PDE4D: variants seen among roughly 807,000 people sequenced by gnomAD.
PDE4D encodes phosphodiesterase 4D.
A neutral mutation model predicts 87.4 loss-of-function variants in PDE4D; 24 were observed. The ratio of observed to expected loss-of-function variants is 0.27; its 90% CI spans 0.20 to 0.39. The LOEUF is 0.39. Among genes scored for constraint, PDE4D ranks in the 10% least tolerant of loss-of-function variants. The pLI, the probability that PDE4D is intolerant of heterozygous loss-of-function variation, is 1.00. For missense variants in PDE4D, 714 were observed against 1,041.0 expected (o/e 0.69, Z 4.32); for synonymous variants, 384 against 383.2 (o/e 1.00, Z -0.02).
At chr5:59,098,281 C>T (rs1395041956) in intron 5 of PDE4D, among the ~76,000 whole-genome samples, 1 of 151,896 alleles carries the variant, frequency 6.6e-6, no homozygotes. Flanking sequence ...TCCAATACTG[C>T]AAAGAGAAAA....
intron 1 of PDE4D, among the ~76,000 whole-genome samples, chr5:59,560,558 T>C (rs952119999): frequency 6.6e-6 from 1 of 152,138 alleles, no homozygotes; most frequent in Non-Finnish European, 1.5e-5. Flanking sequence ...AGGTAAACAG[T>C]TGATTAAAAC....
At chr5:60,219,400 T>C (rs1322284793) in intron 1 of PDE4D, among the ~76,000 whole-genome samples, 4 of 152,142 alleles carry the variant, frequency 2.6e-5, no homozygotes, top group Admixed American at 2.0e-4. Flanking sequence ...GAACATAACA[T>C]TTTAGAACTG....
chr5:59,006,492 G>A lies in PDE4D; in HGVS notation c.922-13027C>T, dbSNP rs545980175. ...GGAGGTGGGAGGTGCTGAGGTGGGA[G>A]GATGGCTTGAGGCCAGGAGTTTAAG... On this transcript the variant is annotated intron_variant, in intron 6 of 14. Coordinates refer to ENST00000340635, the MANE Select transcript of PDE4D (RefSeq NM_001104631.2). 3.9e-5 allele frequency among the ~76,000 whole-genome samples: 6 copies of A among 152,216 alleles called. No individual in the cohort carries two copies. In the South Asian group the frequency reaches 1.0e-3, roughly 26 times the overall value.
chr5:59,328,945 G>A (rs1017985297), intron 1 of PDE4D, among the ~76,000 whole-genome samples: 11 of 152,206 alleles, frequency 7.2e-5, no homozygotes, highest in African/African-American at 1.2e-4. Context: ...CCAGAAAAGC[G>A]ACTCATCTGC....
intron 5 of PDE4D, among the ~76,000 whole-genome samples, chr5:59,053,306 A>C (rs1484155071): frequency 6.6e-6 from 1 of 151,910 alleles, no homozygotes; most frequent in African/African-American, 2.4e-5. Flanking sequence ...TTGATAAAAG[A>C]AAAACAATTG....
rs531966534 is a variant in PDE4D at position 59,229,179 on chromosome 5, T to C, written c.456-13211A>G. On this transcript the variant is annotated intron_variant, in intron 1 of 14. Coordinates refer to ENST00000340635, the MANE Select transcript of PDE4D (RefSeq NM_001104631.2). ...AAAATCTACTTTGTTCGTTAATGTG[T>C]CCCCCAGCAGGTACAACAGTGCCTC... 1.9e-3 allele frequency among the ~76,000 whole-genome samples: 286 copies of C among 152,224 alleles called. 1 individual carries two copies. The highest frequency in any genetic ancestry group is 6.7e-3 in the African/African-American group (277 of 41,538).
chr5:59,576,009 C>A (rs1583191413), intron 1 of PDE4D, among the ~76,000 whole-genome samples: 2 of 152,262 alleles, frequency 1.3e-5, no homozygotes, highest in South Asian at 4.1e-4. Context: ...GACCTCCAAG[C>A]AACCTATAGT....
intron 1 of PDE4D, among the ~76,000 whole-genome samples, chr5:60,193,250 G>C (rs1422140927): frequency 6.6e-6 from 1 of 152,114 alleles, no homozygotes. Flanking sequence ...TGGAACATGA[G>C]ACAAATGCAA....
At chr5:59,795,791 A>G (rs539839210) in intron 1 of PDE4D, among the ~76,000 whole-genome samples, 2 of 152,146 alleles carry the variant, frequency 1.3e-5, no homozygotes, top group Non-Finnish European at 2.9e-5. Context: ...AGTACCTCAG[A>G]AAGGGACTTT....
intron 2 of PDE4D, among the ~76,000 whole-genome samples, chr5:59,989,120 ACACACAC>A (rs1433658954): frequency 1.8e-5 from 1 of 54,578 alleles, no homozygotes; most frequent in East Asian, 2.2e-3. Context: ...ATATATACAC[ACACACAC>A]ATACAGTTAT....
At chr5:60,162,348 A>C (rs1782533954) in intron 2 of PDE4D, among the ~76,000 whole-genome samples, 1 of 152,082 alleles carries the variant, frequency 6.6e-6, no homozygotes, top group Non-Finnish European at 1.5e-5. Flanking sequence ...TTCCATGTCA[A>C]CTAAGAGTTG....
intron 1 of PDE4D, among the ~76,000 whole-genome samples, chr5:59,323,907 A>C (rs908069835): frequency 1.3e-5 from 2 of 152,122 alleles, no homozygotes; most frequent in African/African-American, 4.8e-5. Flanking sequence ...TATGATCTAC[A>C]GTTTACCTCT....
In PDE4D at chr5:59,399,976, G is replaced by A; in HGVS notation, c.456-184008C>T. Among the ~76,000 whole-genome samples, 2 of 115,962 alleles carry A rather than the reference G, an allele frequency of 1.7e-5. 1 individual carries two copies. The highest frequency in any genetic ancestry group is 3.6e-5 in the Non-Finnish European group (2 of 55,452). The allele number at this position is 115,962 out of a possible 152,430, so 76.1% of individuals were successfully genotyped here. ...ACATTTATGCAGCCAAAAAACACAT[G>A]AAAAAATGCTCACCATCACTGGCCA... On this transcript the variant is annotated intron_variant, in intron 1 of 14. Transcript: ENST00000340635.
intron 1 of PDE4D, among the ~76,000 whole-genome samples, chr5:59,551,367 G>T (rs1005443162): frequency 4.7e-5 from 7 of 150,180 alleles, no homozygotes; most frequent in Admixed American, 2.0e-4. Context: ...AAGGTTTAAA[G>T]AAAGAATCTA....
At chr5:59,069,685 G>T (rs1426781842) in intron 5 of PDE4D, among the ~76,000 whole-genome samples, 1 of 152,016 alleles carries the variant, frequency 6.6e-6, no homozygotes, top group Non-Finnish European at 1.5e-5. Context: ...GCCTTTATCC[G>T]CATTCCACTC....
chr5:60,045,527 A>G (rs2152872848), intron 2 of PDE4D, among the ~76,000 whole-genome samples: 1 of 152,090 alleles, frequency 6.6e-6, no homozygotes, highest in African/African-American at 2.4e-5. Flanking sequence ...TCCATCTTGA[A>G]TTGATTTTTG....
chr5:59,662,801 T>C (rs1745469857), intron 1 of PDE4D, among the ~76,000 whole-genome samples: 1 of 152,192 alleles, frequency 6.6e-6, no homozygotes, highest in Admixed American at 6.5e-5. Flanking sequence ...GTGAGAGTCC[T>C]AGATTCCAGA....
intron 1 of PDE4D, among the ~76,000 whole-genome samples, chr5:59,552,713 A>G (rs983078171): frequency 2.6e-5 from 4 of 152,192 alleles, no homozygotes; most frequent in Non-Finnish European, 5.9e-5. Flanking sequence ...TTCTTTCACC[A>G]TATTAATATG....
chr5:60,355,109 C>T (rs557112899), intron 1 of PDE4D, among the ~76,000 whole-genome samples: 9 of 152,018 alleles, frequency 5.9e-5, no homozygotes, highest in African/African-American at 1.7e-4. Flanking sequence ...TTATTTTTAC[C>T]GTAACAGAAA....
Sources: gnomAD v4.1 joint callset for allele counts (sites outside exome capture counted in the v4.1 genomes callset) on GRCh38, gnomAD v4.1.1 for gene constraint, MANE v1.5 for transcripts, NCBI Gene and HGNC (gene_info 2026-07-23, HGNC 2026-07-21) for gene names.